The following ANKS1B variants were observed in gnomAD, a reference collection of about 807,000 sequenced individuals.
The protein encoded by ANKS1B is ankyrin repeat and sterile alpha motif domain-containing protein 1B.
Under a neutral mutation model 148.3 loss-of-function variants are expected in ANKS1B, and 36 were observed. The observed-to-expected ratio is 0.24, with a 90% CI of 0.19 to 0.32. The LOEUF is 0.32. Among genes scored for constraint, ANKS1B ranks in the 10% least tolerant of loss-of-function variants. ANKS1B has a pLI of 1.00. For synonymous variants in ANKS1B, 542 were observed against 560.8 expected (o/e 0.97, Z 0.47); for missense variants, 1,157 against 1,542.6 (o/e 0.75, Z 4.19).
intron 25 of ANKS1B, among the ~76,000 whole-genome samples, chr12:98,760,476 G>C (rs2098380756): frequency 6.6e-6 from 1 of 152,128 alleles, no homozygotes; most frequent in African/African-American, 2.4e-5. Flanking sequence ...ATGTTGCCCA[G>C]GATGGATCTT....
chr12:98,789,419 G>GT (rs34713699), intron 22 of ANKS1B, among the ~76,000 whole-genome samples: 49,491 of 147,050 alleles, frequency 0.34, 8,090 homozygotes, highest in Middle Eastern at 0.36. Context: ...AAGATGTATA[G>GT]TTTTTTTTTT....
At chr12:99,751,085 T>A (rs1019449565) in intron 8 of ANKS1B, among the ~76,000 whole-genome samples, 3 of 151,936 alleles carry the variant, frequency 2.0e-5, no homozygotes, top group African/African-American at 7.2e-5. Flanking sequence ...TTAATATTCA[T>A]AAGTAGTCTA....
chr12:99,480,686 A>G (rs974686926), intron 10 of ANKS1B, among the ~76,000 whole-genome samples: 5 of 151,838 alleles, frequency 3.3e-5, no homozygotes, highest in African/African-American at 1.2e-4. Flanking sequence ...CATGTTCTTA[A>G]TAAGTTACAT....
chr12:99,412,720 A>G (rs957605818), intron 11 of ANKS1B, among the ~76,000 whole-genome samples: 1 of 152,092 alleles, frequency 6.6e-6, no homozygotes, highest in African/African-American at 2.4e-5. Flanking sequence ...GGAGGAGGAA[A>G]ATGTAAACAC....
intron 15 of ANKS1B, among the ~76,000 whole-genome samples, chr12:99,125,198 A>T (rs1191811419): frequency 6.6e-6 from 1 of 152,166 alleles, no homozygotes; most frequent in Non-Finnish European, 1.5e-5. Flanking sequence ...CTTTGAGTAG[A>T]CAAGAGGGGC....
At chr12:99,168,092 T>C (rs774006963) in intron 14 of ANKS1B, among the ~76,000 whole-genome samples, 5 of 152,230 alleles carry the variant, frequency 3.3e-5, no homozygotes, top group Non-Finnish European at 7.3e-5. Context: ...CTTTTGGGGC[T>C]GATGAATATA....
intron 14 of ANKS1B, among the ~76,000 whole-genome samples, chr12:99,212,130 G>A (rs1378099962): frequency 5.3e-5 from 8 of 152,240 alleles, no homozygotes; most frequent in Admixed American, 6.5e-5. Flanking sequence ...CAGTACTTCC[G>A]TGCTGCTGCC....
At chr12:99,016,410 C>T (rs1490552060) in intron 17 of ANKS1B, among the ~76,000 whole-genome samples, 2 of 152,320 alleles carry the variant, frequency 1.3e-5, no homozygotes, top group Non-Finnish European at 2.9e-5. Context: ...AATCCCAGCA[C>T]TTTGGGAGAC....
Position 99,812,193 on chromosome 12 carries a change from T to A in ANKS1B, c.334A>T (p.Ile112Phe). The A allele has an allele frequency of 6.2e-7, 1 of 1,611,998 alleles. No homozygotes were observed. Among genetic ancestry groups the A allele is most frequent in the Non-Finnish European group, 8.5e-7 (1 of 1,178,572 alleles). ...CTGGAATGTGATGGTCCATGATGAA[T>A]AAGAATCTTCACAATTTCCACATCT... ...KGDVEIVKIL[I>F]HHGPSHSRVN... The change falls in exon 3 of 27, where the codon ATT (isoleucine) becomes TTT (phenylalanine). Residue 112 changes from isoleucine (I) to phenylalanine (F), a missense_variant. Ile to Phe is a conservative substitution (Grantham distance 21). Coordinates refer to ENST00000683438, the MANE Select transcript of ANKS1B (RefSeq NM_001352186.2).
intron 4 of ANKS1B, among the ~76,000 whole-genome samples, chr12:99,791,067 T>C (rs916689413): frequency 6.6e-6 from 1 of 151,786 alleles, no homozygotes; most frequent in African/African-American, 2.4e-5. Context: ...AGATTAAAAA[T>C]AAGTGGATGA....
intron 14 of ANKS1B, among the ~76,000 whole-genome samples, chr12:99,187,000 G>C (rs1173874950): frequency 6.6e-6 from 1 of 151,886 alleles, no homozygotes; most frequent in Non-Finnish European, 1.5e-5. Context: ...TAAACGACCT[G>C]ATGGAGCTGA....
At chr12:99,051,146 A>C (rs1042031188) in intron 17 of ANKS1B, among the ~76,000 whole-genome samples, 2 of 152,164 alleles carry the variant, frequency 1.3e-5, no homozygotes, top group East Asian at 3.9e-4. Flanking sequence ...TCACTAAACA[A>C]GGATCTCTAG....
intron 4 of ANKS1B, among the ~76,000 whole-genome samples, chr12:99,783,738 AGAG>A (rs1200819303): frequency 6.6e-6 from 1 of 152,140 alleles, no homozygotes. Context: ...GGGAGCAGGG[AGAG>A]GAGGATAGGG....
At chr12:99,349,520 C>T (rs935772276) in intron 12 of ANKS1B, among the ~76,000 whole-genome samples, 7 of 151,928 alleles carry the variant, frequency 4.6e-5, no homozygotes, top group Admixed American at 3.9e-4. Flanking sequence ...AAAGAAAAAG[C>T]TGGAGTGGCC....
intron 12 of ANKS1B, among the ~76,000 whole-genome samples, chr12:99,367,160 C>A (rs913347726): frequency 2.6e-5 from 4 of 152,094 alleles, no homozygotes; most frequent in African/African-American, 7.2e-5. Flanking sequence ...GAGGCAAAAT[C>A]ATCCCCAGCT....
intron 1 of ANKS1B, among the ~76,000 whole-genome samples, chr12:99,860,060 C>G (rs1444988560): frequency 6.6e-6 from 1 of 152,160 alleles, no homozygotes; most frequent in Non-Finnish European, 1.5e-5. Flanking sequence ...TTGGGAAATA[C>G]TACTTGAGAT....
chr12:99,494,433 G>A (rs1424462701), intron 10 of ANKS1B, among the ~76,000 whole-genome samples: 1 of 152,088 alleles, frequency 6.6e-6, no homozygotes, highest in East Asian at 1.9e-4. Context: ...AAACGATAAA[G>A]ACCCGAGCAG....
At chr12:99,298,635 G>A (rs2081213951) in intron 12 of ANKS1B, among the ~76,000 whole-genome samples, 1 of 152,132 alleles carries the variant, frequency 6.6e-6, no homozygotes, top group Admixed American at 6.6e-5. Context: ...CTATGAGGTA[G>A]GGACTTTTAT....
At chr12:99,292,647 T>A (rs995579606) in intron 12 of ANKS1B, among the ~76,000 whole-genome samples, 30 of 151,574 alleles carry the variant, frequency 2.0e-4, no homozygotes, top group Non-Finnish European at 3.7e-4. Context: ...TCCAACAAAT[T>A]TACAAGAAAA....
Sources: gnomAD v4.1 joint callset for allele counts (sites outside exome capture counted in the v4.1 genomes callset) on GRCh38, gnomAD v4.1.1 for gene constraint, MANE v1.5 for transcripts, NCBI Gene and HGNC (gene_info 2026-07-23, HGNC 2026-07-21) for gene names.